Variants in SRGAP3 observed in about 807,000 individuals in gnomAD.
SRGAP3 encodes the protein SLIT-ROBO Rho GTPase activating protein 3.
A neutral mutation model predicts 121.1 loss-of-function variants in SRGAP3; 39 were observed. That is an observed-to-expected ratio of 0.32 (90% CI 0.25 to 0.42). The LOEUF (loss-of-function observed/expected upper bound fraction) is 0.42, where lower values mean the gene tolerates loss of function less well. Ranked by LOEUF, SRGAP3 falls within the 10% of genes least tolerant of loss-of-function variation. The pLI, the probability that SRGAP3 is intolerant of heterozygous loss-of-function variation, is 1.00. For synonymous variants in SRGAP3, 601 were observed against 570.0 expected, an observed-to-expected ratio of 1.05 and a Z score of -0.77; for missense variants, 1,213 against 1,470.6, an observed-to-expected ratio of 0.82 and a Z score of 2.86.
intron 1 of SRGAP3, among the ~76,000 whole-genome samples, chr3:9,134,104 G>A (rs1473300003): frequency 6.6e-6 from 1 of 152,128 alleles, no homozygotes; most frequent in African/African-American, 2.4e-5. Flanking sequence ...TGCCCTTGGA[G>A]GCCTCTGCCC....
intron 17 of SRGAP3, among the ~76,000 whole-genome samples, chr3:9,012,206 C>G (rs936842204): frequency 6.6e-5 from 10 of 152,344 alleles, no homozygotes; most frequent in African/African-American, 2.4e-4. Flanking sequence ...TTCTTTGAAG[C>G]AGCTGCCCAA....
intron 3 of SRGAP3, among the ~76,000 whole-genome samples, chr3:9,290,680 C>G (rs919729127): frequency 1.3e-5 from 2 of 152,172 alleles, no homozygotes; most frequent in African/African-American, 4.8e-5. Flanking sequence ...CCCAAACCTA[C>G]TGAATCAGTA....
chr3:9,198,600 G>A (rs747784874), intron 1 of SRGAP3, among the ~76,000 whole-genome samples: 1 of 152,132 alleles, frequency 6.6e-6, no homozygotes, highest in African/African-American at 2.4e-5. Context: ...CTCCAAATTA[G>A]GTATCCAGTC....
At chr3:9,014,146 G>A (rs977996131) in intron 15 of SRGAP3, 2 of 448,590 alleles carry the variant, frequency 4.5e-6, no homozygotes, top group South Asian at 4.3e-5. Context: ...GGAGCACAGT[G>A]GGGGCCCCTG....
intron 1 of SRGAP3, among the ~76,000 whole-genome samples, chr3:9,238,889 T>C (rs554543166): frequency 3.9e-5 from 6 of 152,184 alleles, no homozygotes; most frequent in Non-Finnish European, 7.4e-5. Context: ...CAAAGAAGGA[T>C]TGCTGACACA....
intron 14 of SRGAP3, 22 bp downstream of exon 14, chr3:9,025,239 A>C: frequency 6.2e-7 from 1 of 1,613,692 alleles, no homozygotes; most frequent in Non-Finnish European, 8.5e-7. Flanking sequence ...CCACAAGCCT[A>C]AGATGGTCGC....
intron 8 of SRGAP3, among the ~76,000 whole-genome samples, chr3:9,053,915 G>A (rs1027620571): frequency 1.8e-4 from 28 of 152,164 alleles, no homozygotes; most frequent in African/African-American, 6.0e-4. Flanking sequence ...CTGGAGGCTG[G>A]TTCCAAAAAC....
At chr3:9,302,938 T>C (rs540604010) in intron 3 of SRGAP3, among the ~76,000 whole-genome samples, 1 of 140,970 alleles carries the variant, frequency 7.1e-6, no homozygotes, top group South Asian at 2.4e-4. Context: ...GTACCTAATA[T>C]CTCCCACCAC....
chr3:9,057,253 T>C (rs1560027979), intron 7 of SRGAP3, among the ~76,000 whole-genome samples: 1 of 152,176 alleles, frequency 6.6e-6, no homozygotes, highest in Non-Finnish European at 1.5e-5. Flanking sequence ...CAGTATTACC[T>C]GTGGGCTGGG....
At chr3:9,259,072 G>T (rs1954196925) in intron 3 of SRGAP3, among the ~76,000 whole-genome samples, 1 of 152,062 alleles carries the variant, frequency 6.6e-6, no homozygotes, top group South Asian at 2.1e-4. Context: ...GCCATGCTTG[G>T]CCTTCTTATA....
chr3:9,070,156 C>T (rs1384026030), intron 4 of SRGAP3, among the ~76,000 whole-genome samples: 1 of 152,214 alleles, frequency 6.6e-6, no homozygotes, highest in Non-Finnish European at 1.5e-5. Context: ...GTTATCTGTA[C>T]CATCTTTCAG....
Position 9,261,262 on chromosome 3 carries a change from G to A in SRGAP3, n.442+64748C>T, listed in dbSNP as rs1020287227. ...GAGGAAAAACCGAAGCAAAAAGGCT[G>A]AAAATTCCAAAAACCAGAATGCCTC... On this transcript the variant is annotated intron_variant and non_coding_transcript_variant, in intron 3 of 3. Transcript: ENST00000490889. Among the ~76,000 whole-genome samples the A allele has an allele frequency of 6.6e-5, 10 of 152,244 alleles. No homozygotes were observed. The South Asian group carries it at 1.9e-3, about 28-fold the overall frequency.
At chr3:9,352,088 C>T (rs1470159017) in intron 1 of SRGAP3, among the ~76,000 whole-genome samples, 1 of 152,100 alleles carries the variant, frequency 6.6e-6, no homozygotes, top group African/African-American at 2.4e-5. Flanking sequence ...CTAATCGACA[C>T]TCTGTTTCTG....
At chr3:9,298,540 T>C (rs1954992877) in intron 3 of SRGAP3, among the ~76,000 whole-genome samples, 1 of 149,760 alleles carries the variant, frequency 6.7e-6, no homozygotes, top group Non-Finnish European at 1.5e-5. Flanking sequence ...CACATGCCCC[T>C]CCTTCTACCA....
intron 9 of SRGAP3, among the ~76,000 whole-genome samples, chr3:9,048,114 A>C (rs1478457827): frequency 6.6e-6 from 1 of 152,272 alleles, no homozygotes; most frequent in Non-Finnish European, 1.5e-5. Context: ...GCCATGGGCC[A>C]GGCCTAACCC....
At chr3:9,229,196 C>T (rs1279301758) in intron 1 of SRGAP3, among the ~76,000 whole-genome samples, 2 of 151,990 alleles carry the variant, frequency 1.3e-5, no homozygotes, top group Non-Finnish European at 2.9e-5. Context: ...TTCTACGATA[C>T]AGTCATGAAC....
intron 1 of SRGAP3, among the ~76,000 whole-genome samples, chr3:9,177,043 C>A (rs400052): frequency 6.6e-6 from 1 of 152,006 alleles, no homozygotes; most frequent in Non-Finnish European, 1.5e-5. Flanking sequence ...CCTATTTTTT[C>A]TATCCTGAGG....
At chr3:9,014,003 C>A in intron 15 of SRGAP3, 161 bp from the exon 16 acceptor site, 1 of 708,816 alleles carries the variant, frequency 1.4e-6, no homozygotes, top group Non-Finnish European at 2.5e-6. Flanking sequence ...CCAATCAGAG[C>A]ATCCATCTCC....
chr3:9,026,858 G>T, intron 13 of SRGAP3, 77 bp downstream of exon 13: 1 of 1,518,948 alleles, frequency 6.6e-7, no homozygotes, highest in Non-Finnish European at 9.1e-7. Context: ...GGACAAATTA[G>T]AATCTCATTT....
Sources: allele counts gnomAD v4.1 joint callset (sites outside exome capture counted in the v4.1 genomes callset), GRCh38; gene constraint gnomAD v4.1.1; transcripts MANE v1.5; gene names NCBI Gene and HGNC (gene_info 2026-07-23, HGNC 2026-07-21).